Variants in CERT1 observed in about 807,000 individuals in gnomAD.
CERT1 encodes the protein ceramide transfer protein.
A neutral mutation model predicts 87.9 loss-of-function variants in CERT1; 31 were observed. The ratio of observed to expected loss-of-function variants is 0.35; its 90% CI spans 0.27 to 0.48. CERT1 has a LOEUF of 0.48. Among genes scored for constraint, CERT1 ranks in the 20% least tolerant of loss-of-function variants. CERT1 has a pLI of 0.99. For synonymous variants in CERT1, 289 were observed against 250.9 expected, an observed-to-expected ratio of 1.15 and a Z score of -1.44; for missense variants, 487 against 758.0, an observed-to-expected ratio of 0.64 and a Z score of 4.20.
intron 17 of CERT1, chr5:75,372,135 T>C (rs1225056830): frequency 5.9e-5 from 9 of 152,236 alleles, no homozygotes; most frequent in East Asian, 5.8e-4. Context: ...GATTTAGATA[T>C]TGCTTTGTAA....
intron 16 of CERT1, among the ~76,000 whole-genome samples, chr5:75,379,902 A>G (rs1048931160): frequency 2.0e-5 from 3 of 152,112 alleles, no homozygotes; most frequent in African/African-American, 7.2e-5. Flanking sequence ...TGATCTTTTA[A>G]GTCCCAACCC....
intron 2 of CERT1, among the ~76,000 whole-genome samples, chr5:75,494,831 C>T (rs561348641): frequency 7.2e-5 from 11 of 152,238 alleles, no homozygotes; most frequent in South Asian, 2.1e-4. Flanking sequence ...TTTGGGATTT[C>T]GACAGTTTTT....
At chr5:75,461,993 A>T (rs1765253563) in intron 2 of CERT1, among the ~76,000 whole-genome samples, 1 of 152,194 alleles carries the variant, frequency 6.6e-6, no homozygotes, top group African/African-American at 2.4e-5. Context: ...TGTCTTTATT[A>T]AAAATTTTGA....
chr5:75,403,185 C>A, intron 8 of CERT1, 127 bp from the exon 9 acceptor site: 1 of 660,698 alleles, frequency 1.5e-6, no homozygotes, highest in South Asian at 1.8e-5. Flanking sequence ...ATTTACAAAG[C>A]AGTCAGTATA....
chr5:75,442,990 A>G (rs953321581), intron 3 of CERT1, among the ~76,000 whole-genome samples: 1 of 152,162 alleles, frequency 6.6e-6, no homozygotes, highest in African/African-American at 2.4e-5. Context: ...GCTCAGTACC[A>G]TCTGTGGTGT....
At chr5:75,398,935 CTG>C (rs1457382133) in intron 11 of CERT1, among the ~76,000 whole-genome samples, 1 of 152,166 alleles carries the variant, frequency 6.6e-6, no homozygotes, top group African/African-American at 2.4e-5. Context: ...AAAAGTGAGA[CTG>C]TTAAAATCTG....
chr5:75,392,501 G>C (rs1047805815), intron 11 of CERT1, among the ~76,000 whole-genome samples: 4 of 152,146 alleles, frequency 2.6e-5, no homozygotes, highest in African/African-American at 9.7e-5. Flanking sequence ...AAAGTTAAGA[G>C]AGGTATACAG....
chr5:75,402,792 T>C (rs1218278099), intron 9 of CERT1, 180 bp downstream of exon 9: 4 of 455,722 alleles, frequency 8.8e-6, no homozygotes, highest in Non-Finnish European at 1.6e-5. Context: ...AGAGCGAGAC[T>C]CTGTCTCAAA....
chr5:75,511,692 G>A (rs1768016636), upstream of CERT1: 29 of 1,486,904 alleles, frequency 2.0e-5, no homozygotes, highest in South Asian at 3.2e-4. Flanking sequence ...ACTACTCCCC[G>A]CCCCGTCCCC....
intron 3 of CERT1, among the ~76,000 whole-genome samples, chr5:75,450,889 C>T (rs1044102642): frequency 6.6e-6 from 1 of 152,184 alleles, no homozygotes; most frequent in African/African-American, 2.4e-5. Context: ...ATAACCCAAG[C>T]TGTAACCCAA....
At chr5:75,395,145 C>T (rs1439468861) in intron 11 of CERT1, among the ~76,000 whole-genome samples, 2 of 152,200 alleles carry the variant, frequency 1.3e-5, no homozygotes, top group Admixed American at 6.5e-5. Context: ...ATTCACTGTA[C>T]ATCCTTTGAT....
At chr5:75,413,100 T>C (rs1432628217) in intron 7 of CERT1, among the ~76,000 whole-genome samples, 1 of 152,192 alleles carries the variant, frequency 6.6e-6, no homozygotes, top group Non-Finnish European at 1.5e-5. Flanking sequence ...TTTTTTTAAC[T>C]TTTTAAACTT....
intron 8 of CERT1, among the ~76,000 whole-genome samples, chr5:75,410,256 T>C (rs1434958568): frequency 6.6e-6 from 1 of 152,176 alleles, no homozygotes; most frequent in Non-Finnish European, 1.5e-5. Flanking sequence ...AGAAAAAAGC[T>C]GGTTTCAGAC....
intron 11 of CERT1, among the ~76,000 whole-genome samples, chr5:75,392,969 CAAAAAAAAAAAAA>C (rs1198217217): frequency 4.6e-4 from 4 of 8,690 alleles, no homozygotes; most frequent in South Asian, 6.3e-3. Flanking sequence ...GACTCCGTCT[CAAAAAAAAAAAAA>C]AAAAAAAAAA....
chr5:75,455,833 G>A (rs1321893901), intron 3 of CERT1, among the ~76,000 whole-genome samples: 1 of 152,128 alleles, frequency 6.6e-6, no homozygotes, highest in Non-Finnish European at 1.5e-5. Flanking sequence ...CAAACTAAAA[G>A]ACAGTACAGT....
Position 75,385,940 on chromosome 5 carries a change from T to C in CERT1, c.1379A>G (p.Asn460Ser). 6.3e-7 allele frequency: 1 copy of C among 1,575,686 alleles called. No individual in the cohort carries two copies. The highest frequency in any genetic ancestry group is 8.6e-7 in the Non-Finnish European group (1 of 1,162,056). ...VKGVTGHEVC[N>S]YFWNVDVRND... is the part of the protein sequence containing the mutation. ...GCGAACGTCAACATTCCAGAAATAA[T>C]TGCAGACTTCATGTCCTGTGACGCC... The change falls in exon 13 of 17, where the codon AAT becomes AGT. Residue 460 changes from asparagine (N) to serine (S), a missense_variant. Coordinates refer to ENST00000643780, the MANE Select transcript of CERT1 (RefSeq NM_001379029.1).
intron 1 of CERT1, among the ~76,000 whole-genome samples, chr5:75,510,290 TAAAA>T (rs945998730): frequency 6.7e-6 from 1 of 149,584 alleles, no homozygotes; most frequent in African/African-American, 2.5e-5. Flanking sequence ...AGCAAAAACT[TAAAA>T]AAAAAATCCC....
intron 2 of CERT1, among the ~76,000 whole-genome samples, chr5:75,502,833 A>T (rs73764922): frequency 0.078 from 11,919 of 152,166 alleles, 557 homozygotes; most frequent in South Asian, 0.17. Flanking sequence ...AACAATTACA[A>T]CTAACATATT....
At chr5:75,508,977 G>A (rs1016389800) in intron 1 of CERT1, among the ~76,000 whole-genome samples, 4 of 151,830 alleles carry the variant, frequency 2.6e-5, no homozygotes, top group Non-Finnish European at 4.4e-5. Context: ...GATCCATCAC[G>A]ATACTTGCTA....
Sources: gnomAD v4.1 joint callset for allele counts (sites outside exome capture counted in the v4.1 genomes callset) on GRCh38, gnomAD v4.1.1 for gene constraint, MANE v1.5 for transcripts, NCBI Gene and HGNC (gene_info 2026-07-23, HGNC 2026-07-21) for gene names.